The following NUP214 variants were observed in gnomAD, a reference collection of about 807,000 sequenced individuals.
The protein encoded by NUP214 is nucleoporin 214.
NUP214 carries 79 observed loss-of-function variants against 196.2 expected under a neutral mutation model. The observed-to-expected ratio is 0.40, with a 90% CI of 0.34 to 0.49. The LOEUF (loss-of-function observed/expected upper bound fraction) is 0.49. Among genes scored for constraint, NUP214 ranks in the 20% least tolerant of loss-of-function variants. The pLI is 0.58. For missense variants in NUP214, 2,468 were observed against 2,539.0 expected (o/e 0.97, Z 0.60); for synonymous variants, 1,020 against 990.5 (o/e 1.03, Z -0.56).
chr9:131,229,773 G>A (rs529414786), intron 33 of NUP214: 57 of 518,892 alleles, frequency 1.1e-4, no homozygotes, highest in African/African-American at 1.1e-3. Flanking sequence ...TCCAATGAGA[G>A]CAGATCCCTT....
chr9:131,221,830 C>T (rs1834562964), intron 31 of NUP214, among the ~76,000 whole-genome samples: 1 of 151,952 alleles, frequency 6.6e-6, no homozygotes, highest in Admixed American at 6.5e-5. Context: ...TATTCCTTCC[C>T]TTCCCACCAA....
chr9:131,222,243 A>G (rs1588177301), intron 31 of NUP214, among the ~76,000 whole-genome samples: 2 of 152,254 alleles, frequency 1.3e-5, no homozygotes, highest in African/African-American at 2.4e-5. Flanking sequence ...TGAGCAGCTC[A>G]GGCAGCCATA....
chr9:131,172,703 C>T (rs1832993883), intron 21 of NUP214, among the ~76,000 whole-genome samples: 1 of 152,122 alleles, frequency 6.6e-6, no homozygotes, highest in Non-Finnish European at 1.5e-5. Flanking sequence ...TTTAAATAAC[C>T]ACATATGGCT....
intron 3 of NUP214, chr9:131,128,904 G>A (rs563246331): frequency 4.9e-5 from 16 of 326,878 alleles, no homozygotes; most frequent in South Asian, 3.5e-4. Flanking sequence ...TATGTAGTAG[G>A]TACTATTATC....
intron 26 of NUP214, 93 bp from the exon 27 acceptor site, chr9:131,192,115 C>A (rs1000940184): frequency 1.2e-6 from 1 of 838,412 alleles, no homozygotes; most frequent in Non-Finnish European, 1.7e-6. Flanking sequence ...ACCTCACAGG[C>A]TGAGCTACAG....
intron 21 of NUP214, among the ~76,000 whole-genome samples, chr9:131,165,717 C>T (rs1271179122): frequency 1.3e-5 from 2 of 152,172 alleles, no homozygotes; most frequent in African/African-American, 4.8e-5. Flanking sequence ...GAGGTGGAAA[C>T]AGTGTGTCTG....
chr9:131,171,594 G>A (rs570486433), intron 21 of NUP214, among the ~76,000 whole-genome samples: 3 of 141,208 alleles, frequency 2.1e-5, no homozygotes, highest in African/African-American at 8.0e-5. Context: ...GGGTACATGT[G>A]CACAATGTGC....
intron 24 of NUP214, among the ~76,000 whole-genome samples, chr9:131,184,429 G>A (rs1043404862): frequency 1.3e-5 from 2 of 151,480 alleles, no homozygotes; most frequent in Non-Finnish European, 2.9e-5. Context: ...TGTCTCCCGG[G>A]TTCAAGCGAT....
intron 30 of NUP214, among the ~76,000 whole-genome samples, chr9:131,201,932 C>T (rs1400586221): frequency 6.6e-6 from 1 of 152,164 alleles, no homozygotes; most frequent in Non-Finnish European, 1.5e-5. Flanking sequence ...CTTCCACAGT[C>T]TTCTGAGAAA....
Position 131,192,195 on chromosome 9 carries a change from T to A in NUP214, c.3575-13T>A. ...TTTTTTTTTTTTTTTTTTTTTTTTT[T>A]CCATAATTTCAGGGACAGCCAAGAT... On this transcript the variant is annotated splice_polypyrimidine_tract_variant and intron_variant, in intron 26 of 35. Coordinates refer to ENST00000359428, the MANE Select transcript of NUP214 (RefSeq NM_005085.4). 6 of 1,224,622 alleles carry A rather than the reference T, an allele frequency of 4.9e-6. No individual in the cohort carries two copies. The highest frequency in any genetic ancestry group is 6.8e-6 in the Non-Finnish European group (6 of 877,350). 75.9% of individuals were successfully genotyped at this position (1,224,622 alleles called of 1,614,324 possible).
In NUP214 at chr9:131,163,855, A is replaced by G. The variant is rs1311018982; in HGVS notation, c.2724-15A>G. 6.2e-7 allele frequency: 1 copy of G among 1,610,572 alleles called. No individual in the cohort carries two copies. Among genetic ancestry groups the G allele is most frequent in the Non-Finnish European group, 8.5e-7 (1 of 1,176,942 alleles). On this transcript the variant is annotated splice_polypyrimidine_tract_variant and intron_variant, in intron 19 of 35. Transcript: ENST00000359428. ...AGCTCCTAGTTGGTCTGTATCTAAC[A>G]CTGTTCTGTTTCAGTTTTGACAGTG...
chr9:131,129,556 G>C, intron 4 of NUP214, 79 bp downstream of exon 4: 2 of 1,407,652 alleles, frequency 1.4e-6, no homozygotes, highest in Non-Finnish European at 2.0e-6. Context: ...AGTGAAAGTG[G>C]ATAGCTTTTT....
chr9:131,175,827 T>C (rs2131002919), intron 23 of NUP214: 1 of 663,744 alleles, frequency 1.5e-6, no homozygotes, highest in Non-Finnish European at 2.3e-6. Flanking sequence ...AGGGGAGGGA[T>C]TAGAACTGCC....
At chr9:131,230,516 C>G in intron 33 of NUP214, 114 bp from the exon 34 acceptor site, 2 of 1,296,004 alleles carry the variant, frequency 1.5e-6, no homozygotes, top group South Asian at 2.7e-5. Context: ...CAGCCTGTCA[C>G]CCTGGATCAT....
intron 34 of NUP214, among the ~76,000 whole-genome samples, chr9:131,231,188 C>CAT (rs35184563): frequency 0.015 from 2,195 of 147,822 alleles, 45 homozygotes; most frequent in African/African-American, 0.044. Context: ...GTGGTTGAAA[C>CAT]ATATATATAT....
chr9:131,135,036 C>A, intron 8 of NUP214, 32 bp downstream of exon 8: 1 of 1,421,710 alleles, frequency 7.0e-7, no homozygotes, highest in Non-Finnish European at 9.9e-7. Context: ...GGCATTCCTG[C>A]TCTCACTGGA....
intron 21 of NUP214, among the ~76,000 whole-genome samples, chr9:131,171,481 G>A (rs879697331): frequency 4.0e-5 from 6 of 151,612 alleles, no homozygotes; most frequent in Admixed American, 2.0e-4. Flanking sequence ...TATGGATGCC[G>A]TAACAAATTA....
chr9:131,202,822 C>T (rs1389424990), intron 30 of NUP214, among the ~76,000 whole-genome samples: 1 of 152,034 alleles, frequency 6.6e-6, no homozygotes, highest in Non-Finnish European at 1.5e-5. Context: ...CTCTGCTACG[C>T]TATATGTAGC....
Position 131,232,762 on chromosome 9 carries a change from C to T in NUP214, c.6239+454C>T. 2 of 196,124 alleles carry T rather than the reference C, an allele frequency of 1.0e-5. No homozygotes were observed. The highest frequency in any genetic ancestry group is 2.1e-5 in the Non-Finnish European group (2 of 94,004). The allele number at this position is 196,124 out of a possible 1,614,324, so 12.1% of individuals were successfully genotyped here. On this transcript the variant is annotated intron_variant, in intron 35 of 35. Coordinates refer to ENST00000359428, the MANE Select transcript of NUP214 (RefSeq NM_005085.4). This position sits in a 1 kb window ranked among gnomAD's most constrained non-coding sequence, Gnocchi z 5.1. ...GGGTGGTTCACGCCTATAATCCCAG[C>T]ACTTTGGGAGGCTGAGGTGGGAGGA... is the stretch of plus-strand genomic sequence containing the variant.
Sources: allele counts gnomAD v4.1 joint callset (sites outside exome capture counted in the v4.1 genomes callset), GRCh38; gene constraint gnomAD v4.1.1; non-coding constraint Gnocchi (gnomAD v3.1); transcripts MANE v1.5; gene names NCBI Gene and HGNC (gene_info 2026-07-23, HGNC 2026-07-21).